The following GGT1 variants were observed in gnomAD, a reference collection of about 807,000 sequenced individuals.
GGT1 encodes the protein glutathione hydrolase 1 proenzyme.
In GGT1, 21 loss-of-function variants were observed where a neutral mutation model predicts 56.0. That is an observed-to-expected ratio of 0.38 (90% CI 0.27 to 0.54). The LOEUF is 0.54. Among genes scored for constraint, GGT1 ranks in the 20% least tolerant of loss-of-function variants. The probability of loss-of-function intolerance (pLI) is 0.82; values close to 1 mark genes in which losing one functional copy is unlikely to be tolerated. For missense variants in GGT1, 466 were observed against 787.0 expected (o/e 0.59, Z 4.88); for synonymous variants, 238 against 342.6 (o/e 0.69, Z 3.37).
In GGT1 at chr22:24,627,534, A is replaced by G. The variant is rs1432276908; in HGVS notation, c.1123A>G (p.Thr375Ala). ...CTCCTACTACAAGCCCGAGTTCTACACGCCGGATGACGGGGGCACTGCTCA... is the reference window on the plus strand; with the variant it reads ...CTCCTACTACAAGCCCGAGTTCTACGCGCCGGATGACGGGGGCACTGCTCA... Reference protein sequence around the residue: ...PISYYKPEFYTPDDGGTAHLS... With the variant: ...PISYYKPEFYAPDDGGTAHLS... Residue 375 changes from threonine to alanine, a missense_variant, in exon 12 of 16, where the codon ACG becomes GCG. Thr to Ala is a moderately conservative substitution (Grantham distance 58). This residue lies in a region of GGT1 where 456 missense variants were observed against 716.7 expected (regional missense o/e 0.64). Coordinates refer to ENST00000400382, the MANE Select transcript of GGT1 (RefSeq NM_001288833.2). 1.1e-5 allele frequency: 17 copies of G among 1,611,594 alleles called. No homozygotes were observed. Among genetic ancestry groups the G allele is most frequent in the South Asian group, 3.3e-5 (3 of 90,964 alleles).
upstream of GGT1, chr22:24,592,520 G>T: frequency 2.3e-6 from 1 of 436,066 alleles, no homozygotes; most frequent in Non-Finnish European, 4.7e-6. Flanking sequence ...ATCTTGCCAG[G>T]GCCTGAATTT....
At chr22:24,587,800 C>T in the GGT1 span, among the ~76,000 whole-genome samples, 4 of 152,286 alleles carry the variant, frequency 2.6e-5, no homozygotes, top group East Asian at 1.9e-4. Flanking sequence ...GCCACTTCTC[C>T]GAACCTGTTT....
chr22:24,588,162 G>A, the GGT1 span: 2 of 1,415,456 alleles, frequency 1.4e-6, no homozygotes, highest in Non-Finnish European at 2.0e-6. Context: ...GTCAACCTGA[G>A]AAGGGACCTT....
chr22:24,618,170 G>A (rs1366478216), intron 7 of GGT1, among the ~76,000 whole-genome samples: 7 of 152,148 alleles, frequency 4.6e-5, no homozygotes, highest in African/African-American at 7.2e-5. Context: ...GGTATTTGGA[G>A]TCTCCGTCAC....
intron 7 of GGT1, among the ~76,000 whole-genome samples, chr22:24,618,555 C>T (rs2047211329): frequency 6.6e-6 from 1 of 152,228 alleles, no homozygotes; most frequent in South Asian, 2.1e-4. Flanking sequence ...CATGCCACTG[C>T]ACTGTAGTCT....
chr22:24,625,603 G>A (rs1301124121), intron 11 of GGT1, among the ~76,000 whole-genome samples: 3 of 151,706 alleles, frequency 2.0e-5, no homozygotes, highest in South Asian at 4.2e-4. Context: ...GTGCAGTGGC[G>A]CTATCTCGGC....
At chr22:24,595,932 G>A (rs1489115052) in intron 1 of GGT1, among the ~76,000 whole-genome samples, 1 of 152,218 alleles carries the variant, frequency 6.6e-6, no homozygotes, top group East Asian at 1.9e-4. Context: ...TAGCTGAGTG[G>A]CACTGAGCCT....
the GGT1 span, among the ~76,000 whole-genome samples, chr22:24,585,363 C>T: frequency 6.6e-6 from 1 of 152,194 alleles, no homozygotes; most frequent in African/African-American, 2.4e-5. Flanking sequence ...CCGACCCGCT[C>T]CTTCGCAGCT....
Position 24,614,669 on chromosome 22 carries a change from A to T in GGT1, c.165-107A>T, listed in dbSNP as rs1290237919. The stretch of plus-strand genomic sequence containing the variant: ...CTAAAAACAAAAACCCCAAAACTCG[A>T]ATGGACTTCTCTTCCATCCTCCTTT... On this transcript the variant is annotated intron_variant, in intron 5 of 15. Transcript: ENST00000400382. The T allele has an allele frequency of 3.1e-6, 3 of 974,634 alleles. No individual in the cohort carries two copies. In the African/African-American group the frequency reaches 5.0e-5, roughly 16 times the overall value. 60.4% of individuals were successfully genotyped at this position (974,634 alleles called of 1,614,324 possible).
intron 7 of GGT1, among the ~76,000 whole-genome samples, chr22:24,616,530 C>A (rs1468081631): frequency 6.7e-6 from 1 of 150,032 alleles, no homozygotes; most frequent in African/African-American, 2.4e-5. Flanking sequence ...CATACTCAAT[C>A]TTTGACTTTT....
At chr22:24,599,416 G>T (rs553098368), upstream of GGT1, 4 of 152,392 alleles carry the variant, frequency 2.6e-5, no homozygotes, top group Admixed American at 2.6e-4. Flanking sequence ...GTAGGACAAG[G>T]GGGGCCTCTG....
chr22:24,612,038 C>T (rs967828391), intron 5 of GGT1, among the ~76,000 whole-genome samples: 4 of 152,208 alleles, frequency 2.6e-5, no homozygotes, highest in Admixed American at 2.6e-4. Flanking sequence ...AACTCCTGAC[C>T]TTGTGATCCT....
chr22:24,627,447 A>G lies in GGT1; in HGVS notation c.1036A>G (p.Thr346Ala), dbSNP rs199576648. The G allele has an allele frequency of 5.6e-6, 9 of 1,606,500 alleles. No individual in the cohort carries two copies. The highest frequency in any genetic ancestry group is 7.6e-6 in the Non-Finnish European group (9 of 1,178,542). ...GTCTCGGCAGGTGGTCCGCAACATG[A>G]CCTCCGAGTTCTTCGCTGCCCAGCT... ...VDVTEVVRNMTSEFFAAQLRA... is the reference protein window; with the variant it reads ...VDVTEVVRNMASEFFAAQLRA... The change falls in exon 12 of 16, where the codon ACC becomes GCC. Residue 346 changes from threonine (T) to alanine (A), a missense_variant. By Grantham distance (58) the Thr-to-Ala change is moderately conservative. This residue lies in a region of GGT1 where 456 missense variants were observed against 716.7 expected (regional missense o/e 0.64). Transcript: ENST00000400382.
chr22:24,585,005 C>T, the GGT1 span, among the ~76,000 whole-genome samples: 19 of 152,192 alleles, frequency 1.2e-4, no homozygotes, highest in African/African-American at 4.6e-4. Flanking sequence ...GTGATGCGCA[C>T]CTCCACCCGC....
At chr22:24,594,391 ATGTGTGTG>A (rs61535476), upstream of GGT1, among the ~76,000 whole-genome samples, 51 of 142,304 alleles carry the variant, frequency 3.6e-4, no homozygotes, top group Non-Finnish European at 5.9e-4. Flanking sequence ...ACCCGTGTGT[ATGTGTGTG>A]TGTGTGTGTG....
At chr22:24,624,434 A>G (rs528375754) in intron 11 of GGT1, 1 of 983,360 alleles carries the variant, frequency 1.0e-6, no homozygotes, top group African/African-American at 1.8e-5. Context: ...ATCCCTCCTT[A>G]CCTACTTGGG....
chr22:24,612,517 G>A (rs1601694422), intron 5 of GGT1, among the ~76,000 whole-genome samples: 1 of 118,200 alleles, frequency 8.5e-6, no homozygotes, highest in East Asian at 2.4e-4. Context: ...ATTCTTTTTT[G>A]TTGTTGTTTT....
chr22:24,589,881 G>C, upstream of GGT1: 1 of 1,613,812 alleles, frequency 6.2e-7, no homozygotes, highest in Non-Finnish European at 8.5e-7. Flanking sequence ...AGATGGGGTC[G>C]ACCGGGTTGA....
upstream of GGT1, chr22:24,592,139 G>A (rs1366190759): frequency 2.6e-6 from 1 of 383,118 alleles, no homozygotes; most frequent in Non-Finnish European, 5.3e-6. Flanking sequence ...GGGGTGGTGA[G>A]GGAAGTGGCA....
Sources: gnomAD v4.1 joint callset for allele counts (sites outside exome capture counted in the v4.1 genomes callset) on GRCh38, gnomAD v4.1.1 for gene constraint, gnomAD v4.1.1 regional missense constraint, MANE v1.5 for transcripts, NCBI Gene and HGNC (gene_info 2026-07-23, HGNC 2026-07-21) for gene names.